The following DRGX variants were observed in gnomAD, a reference collection of about 807,000 sequenced individuals.
DRGX encodes the protein dorsal root ganglia homeobox protein.
Under a neutral mutation model 28.6 loss-of-function variants are expected in DRGX, and 21 were observed. The ratio of observed to expected loss-of-function variants is 0.73; its 90% CI spans 0.52 to 1.06. The LOEUF (loss-of-function observed/expected upper bound fraction) is 1.06. Among genes scored for constraint, DRGX ranks in the 50% least tolerant of loss-of-function variants. DRGX has a pLI of 0.00. For missense variants in DRGX, 354 were observed against 343.9 expected (o/e 1.03, Z -0.23); for synonymous variants, 136 against 139.1 (o/e 0.98, Z 0.16).
In DRGX at chr10:49,392,106, C is replaced by T. The variant is rs967544287; in HGVS notation, c.35-845G>A. 2.6e-5 allele frequency among the ~76,000 whole-genome samples: 4 copies of T among 152,224 alleles called. No individual in the cohort carries two copies. The South Asian group carries it at 8.3e-4, about 31-fold the overall frequency. On this transcript the variant is annotated intron_variant, in intron 2 of 6. Transcript: ENST00000374139. ...CCAAATGTGCATTCAGATCATTTTC[C>T]AAATGTGCTCTATTTACTTGATAGT...
In DRGX at chr10:49,364,558, T is replaced by C. The variant is rs963490877; in HGVS notation, c.*1558A>G. 20 of 152,220 alleles carry C rather than the reference T, an allele frequency of 1.3e-4. No individual in the cohort carries two copies. Among genetic ancestry groups the C allele is most frequent in the African/African-American group, 3.4e-4 (14 of 41,450 alleles). 9.4% of individuals were successfully genotyped at this position (152,220 alleles called of 1,614,324 possible). ...TACATAAGGGCTTGAGCTTACATCC[T>C]TCAACCAAACATTCGTAATTACAGG... On this transcript the variant is annotated 3_prime_UTR_variant, in exon 7 of 7. Coordinates refer to ENST00000374139, the MANE Select transcript of DRGX (RefSeq NM_001276451.2).
intron 4 of DRGX, among the ~76,000 whole-genome samples, chr10:49,387,085 T>C (rs1482312315): frequency 6.6e-6 from 1 of 152,216 alleles, no homozygotes; most frequent in Non-Finnish European, 1.5e-5. Context: ...CGAATGCCCA[T>C]AGTAAGGGTA....
chr10:49,371,868 G>A (rs1849663288), intron 6 of DRGX, among the ~76,000 whole-genome samples: 1 of 150,744 alleles, frequency 6.6e-6, no homozygotes, highest in Non-Finnish European at 1.5e-5. Flanking sequence ...CTCACCAAAT[G>A]CTTGAAGATT....
intron 6 of DRGX, among the ~76,000 whole-genome samples, chr10:49,374,291 C>T (rs1012328149): frequency 8.5e-5 from 13 of 152,166 alleles, no homozygotes; most frequent in African/African-American, 2.7e-4. Context: ...TAATGGCCTC[C>T]GCCTGCACTC....
chr10:49,393,696 C>A (rs1849934946), intron 2 of DRGX, among the ~76,000 whole-genome samples: 2 of 152,248 alleles, frequency 1.3e-5, no homozygotes, highest in Admixed American at 1.3e-4. Context: ...AACTAAATTA[C>A]TCCTTTCTGC....
At chr10:49,366,515 G>C (rs1036636068) in intron 6 of DRGX, 134 bp from the exon 7 acceptor site, 1 of 1,305,226 alleles carries the variant, frequency 7.7e-7, no homozygotes, top group Non-Finnish European at 1.0e-6. Context: ...AAGGGAGAAG[G>C]ACAAGTGCTC....
chr10:49,372,260 G>C (rs1056020901), intron 6 of DRGX, among the ~76,000 whole-genome samples: 1 of 152,182 alleles, frequency 6.6e-6, no homozygotes, highest in Admixed American at 6.5e-5. Flanking sequence ...CTTAGAAAAG[G>C]TCTACCCTAA....
At chr10:49,372,793 A>G (rs1219406578) in intron 6 of DRGX, among the ~76,000 whole-genome samples, 1 of 152,202 alleles carries the variant, frequency 6.6e-6, no homozygotes, top group Non-Finnish European at 1.5e-5. Context: ...CATTGGCACA[A>G]GCCGTACACT....
chr10:49,392,577 T>C (rs1328660059), intron 2 of DRGX, among the ~76,000 whole-genome samples: 1 of 152,244 alleles, frequency 6.6e-6, no homozygotes, highest in Non-Finnish European at 1.5e-5. Context: ...CTGGTGAGGA[T>C]GGAACACAAT....
chr10:49,387,250 C>T (rs1849850206), intron 4 of DRGX, among the ~76,000 whole-genome samples: 2 of 152,202 alleles, frequency 1.3e-5, no homozygotes, highest in Admixed American at 6.5e-5. Flanking sequence ...ACTAGCTCTT[C>T]TGACAGCTGT....
Position 49,365,238 on chromosome 10 carries a change from G to T in DRGX, c.*878C>A, listed in dbSNP as rs1849585918. The T allele has an allele frequency of 6.6e-6, 1 of 152,226 alleles. No homozygotes were observed. Among genetic ancestry groups the T allele is most frequent in the Non-Finnish European group, 1.5e-5 (1 of 68,050 alleles). The allele number at this position is 152,226 out of a possible 1,614,324, so 9.4% of individuals were successfully genotyped here. A position where few individuals can be genotyped will look rare whatever the true frequency, so the allele number is the denominator to read the frequency against. ...ATCTGTATGCATAATTACTTCAGAG[G>T]CATTCCTGAAGGGCTTCTTCCCTCT... On this transcript the variant is annotated 3_prime_UTR_variant, in exon 7 of 7. Coordinates refer to ENST00000374139, the MANE Select transcript of DRGX (RefSeq NM_001276451.2).
rs1175997432 is a variant in DRGX, at chr10:49,373,979, TTATTAGGGATATA to T, written c.527-7611_527-7599del. On this transcript the variant is annotated intron_variant, in intron 6 of 6. Transcript: ENST00000374139. ...AATTTAAAAGTTATTAAACATATGT[TTATTAGGGATATA>T]TATTCATAAATGACATTTTAAAATG... 3.9e-5 allele frequency among the ~76,000 whole-genome samples: 6 copies of T among 152,308 alleles called. No individual in the cohort carries two copies. The East Asian group carries it at 1.2e-3, about 29-fold the overall frequency.
chr10:49,375,743 T>C (rs1163849456), intron 6 of DRGX, among the ~76,000 whole-genome samples: 1 of 151,816 alleles, frequency 6.6e-6, no homozygotes, highest in Admixed American at 6.6e-5. Flanking sequence ...CTCTGCAGGG[T>C]CAAACAAGTA....
chr10:49,382,838 A>C (rs1349957282), intron 6 of DRGX, among the ~76,000 whole-genome samples: 1 of 151,046 alleles, frequency 6.6e-6, no homozygotes, highest in Non-Finnish European at 1.5e-5. Flanking sequence ...GTCTAGGGAG[A>C]CTCTATCATA....
rs1249038046 is a variant in DRGX, at chr10:49,364,436, T to G, written c.*1680A>C. On this transcript the variant is annotated 3_prime_UTR_variant, in exon 7 of 7. Coordinates refer to ENST00000374139, the MANE Select transcript of DRGX (RefSeq NM_001276451.2). ...CATAACTACTTTTCAGATGCAATGC[T>G]GTTAAGTATTCTTAATTTGCTCAAC... 6.6e-6 allele frequency: 1 copy of G among 152,250 alleles called. No individual in the cohort carries two copies. The highest frequency in any genetic ancestry group is 6.5e-5 in the Admixed American group (1 of 15,282). 9.4% of individuals were successfully genotyped at this position (152,250 alleles called of 1,614,324 possible). A position where few individuals can be genotyped will look rare whatever the true frequency, so the allele number is the denominator to read the frequency against.
intron 4 of DRGX, among the ~76,000 whole-genome samples, chr10:49,388,397 G>A (rs1049194077): frequency 5.3e-5 from 8 of 152,236 alleles, no homozygotes; most frequent in Non-Finnish European, 1.2e-4. Context: ...CTGGGTCCTT[G>A]AGGCTGAGCC....
chr10:49,373,526 T>G (rs1436024639), intron 6 of DRGX, among the ~76,000 whole-genome samples: 1 of 152,170 alleles, frequency 6.6e-6, no homozygotes, highest in Non-Finnish European at 1.5e-5. Context: ...GGAAGATGAT[T>G]AAGTCATGAG....
At position 49,364,654 on chromosome 10, in the gene DRGX, G is replaced by A. The variant is rs905871228; in HGVS notation, c.*1462C>T. On this transcript the variant is annotated 3_prime_UTR_variant, in exon 7 of 7. Transcript: ENST00000374139. ...TATACTCAACAAGCAAAATACAGCA[G>A]GAAGAAGGATTTGATTTTTTTCTTT... 4 of 152,050 alleles carry A rather than the reference G, an allele frequency of 2.6e-5. No homozygotes were observed. The highest frequency in any genetic ancestry group is 6.6e-5 in the Admixed American group (1 of 15,266). 9.4% of individuals were successfully genotyped at this position (152,050 alleles called of 1,614,324 possible). A position where few individuals can be genotyped will look rare whatever the true frequency, so the allele number is the denominator to read the frequency against.
In DRGX at chr10:49,365,682, C is replaced by A; in HGVS notation, c.*434G>T. On this transcript the variant is annotated 3_prime_UTR_variant, in exon 7 of 7. Coordinates refer to ENST00000374139, the MANE Select transcript of DRGX (RefSeq NM_001276451.2). The stretch of plus-strand genomic sequence containing the variant: ...TTCCACCAGTTCCCCAGTTCTTAAA[C>A]ACTGTAAGCGGGACAGGCCCTTTTC... 4.5e-5 allele frequency: 7 copies of A among 154,090 alleles called. No individual in the cohort carries two copies. The highest frequency in any genetic ancestry group is 8.6e-5 in the Non-Finnish European group (6 of 69,800). 9.5% of individuals were successfully genotyped at this position (154,090 alleles called of 1,614,324 possible).
Sources: allele counts gnomAD v4.1 joint callset (sites outside exome capture counted in the v4.1 genomes callset), GRCh38; gene constraint gnomAD v4.1.1; transcripts MANE v1.5; gene names NCBI Gene and HGNC (gene_info 2026-07-23, HGNC 2026-07-21).